Variants in MIGA1 observed in about 807,000 individuals in gnomAD.
MIGA1 encodes mitoguardin 1.
A neutral mutation model predicts 82.0 loss-of-function variants in MIGA1; 58 were observed. That is an observed-to-expected ratio of 0.71 (90% CI 0.57 to 0.88). The LOEUF (loss-of-function observed/expected upper bound fraction) is 0.88, where lower values mean the gene tolerates loss of function less well. MIGA1 is among the 40% of genes least tolerant of loss of function. The pLI is 0.00. For missense variants in MIGA1, 751 were observed against 749.1 expected (o/e 1.00, Z -0.03); for synonymous variants, 249 against 253.6 (o/e 0.98, Z 0.17).
At chr1:77,872,105 C>G (rs184366021) in intron 14 of MIGA1, among the ~76,000 whole-genome samples, 20 of 152,176 alleles carry the variant, frequency 1.3e-4, no homozygotes, top group Non-Finnish European at 2.2e-4. Flanking sequence ...GTAGCTAGGA[C>G]TATAGGTACA....
intron 4 of MIGA1, among the ~76,000 whole-genome samples, chr1:77,805,461 C>CTTTTTTTTTTTTTT (rs11408292): frequency 3.6e-5 from 4 of 110,400 alleles, no homozygotes; most frequent in East Asian, 2.7e-4. Flanking sequence ...TATGCCTATT[C>CTTTTTTTTTTTTTT]TTTTTTTTTT....
intron 1 of MIGA1, among the ~76,000 whole-genome samples, chr1:77,781,928 T>C (rs147583830): frequency 4.5e-4 from 68 of 151,976 alleles, no homozygotes; most frequent in Non-Finnish European, 8.1e-4. Flanking sequence ...TATTGGAGTA[T>C]AGAAAAAGAG....
At chr1:77,838,972 GTTTA>G (rs1684529443) in intron 7 of MIGA1, among the ~76,000 whole-genome samples, 3 of 152,180 alleles carry the variant, frequency 2.0e-5, no homozygotes, top group Admixed American at 2.0e-4. Flanking sequence ...ACTACGGTTT[GTTTA>G]TTCTATATTT....
intron 7 of MIGA1, among the ~76,000 whole-genome samples, chr1:77,829,500 G>A (rs373963787): frequency 5.9e-5 from 9 of 152,088 alleles, no homozygotes; most frequent in South Asian, 2.1e-4. Flanking sequence ...ACAGAGTCTC[G>A]TTCTGTCACC....
intron 7 of MIGA1, among the ~76,000 whole-genome samples, chr1:77,822,128 A>T (rs978207023): frequency 2.6e-5 from 4 of 150,994 alleles, no homozygotes; most frequent in South Asian, 4.2e-4. Flanking sequence ...CATTGCATAC[A>T]TATAAAAAAA....
chr1:77,875,451 C>G lies in MIGA1; in HGVS notation c.*387C>G, dbSNP rs1259291380. On this transcript the variant is annotated 3_prime_UTR_variant, in exon 16 of 16. Coordinates refer to ENST00000370791, the MANE Select transcript of MIGA1 (RefSeq NM_198549.4). Reference sequence around the variant, plus strand: ...CTTTAGCCAAGGTCTTTGTGGCCCACACATGCAAGAATATATTACTTCTAA... The same window carrying G: ...CTTTAGCCAAGGTCTTTGTGGCCCAGACATGCAAGAATATATTACTTCTAA... 5.8e-6 allele frequency: 1 copy of G among 173,002 alleles called. No homozygotes were observed. The highest frequency in any genetic ancestry group is 1.2e-5 in the Non-Finnish European group (1 of 80,972). The allele number at this position is 173,002 out of a possible 1,614,324, so 10.7% of individuals were successfully genotyped here.
rs552472100 is a variant in MIGA1 at position 77,799,051 on chromosome 1, G to A, written c.196-2280G>A. Among the ~76,000 whole-genome samples, 3 of 152,252 alleles carry A rather than the reference G, an allele frequency of 2.0e-5. No homozygotes were observed. The South Asian group carries it at 6.2e-4, about 32-fold the overall frequency. On this transcript the variant is annotated intron_variant, in intron 2 of 15. Transcript: ENST00000370791. Reference sequence around the variant, plus strand: ...TGAACCAGATTTGCATTCCTAGGATGTATACCACTTGGTTATTTATATATT... The same window carrying A: ...TGAACCAGATTTGCATTCCTAGGATATATACCACTTGGTTATTTATATATT...
At position 77,875,290 on chromosome 1, in the gene MIGA1, T is replaced by C. The variant is rs558638738; in HGVS notation, c.*226T>C. ...GCTTTTTGCATTCATTAGGTAATAA[T>C]TGAAGTCATGAAATGTATATTTTAC... On this transcript the variant is annotated 3_prime_UTR_variant, in exon 16 of 16. Coordinates refer to ENST00000370791, the MANE Select transcript of MIGA1 (RefSeq NM_198549.4). 1.3e-3 allele frequency: 569 copies of C among 447,284 alleles called. 2 individuals carry two copies. Among genetic ancestry groups the C allele is most frequent in the Admixed American group, 6.5e-3 (166 of 25,432 alleles). The allele number at this position is 447,284 out of a possible 1,614,324, so 27.7% of individuals were successfully genotyped here. A position where few individuals can be genotyped will look rare whatever the true frequency, so the allele number is the denominator to read the frequency against.
chr1:77,823,692 G>A (rs1489443835), intron 7 of MIGA1, among the ~76,000 whole-genome samples: 1 of 152,180 alleles, frequency 6.6e-6, no homozygotes, highest in Non-Finnish European at 1.5e-5. Context: ...AGCCTCCTGA[G>A]TAGCTAGGAC....
At chr1:77,852,989 C>A (rs543734360) in intron 8 of MIGA1, among the ~76,000 whole-genome samples, 97 of 152,278 alleles carry the variant, frequency 6.4e-4, no homozygotes, top group African/African-American at 2.3e-3. Flanking sequence ...CTGCACCCAG[C>A]AAAATGTGAA....
chr1:77,850,034 CA>C (rs377438344), intron 8 of MIGA1, among the ~76,000 whole-genome samples: 2,692 of 97,330 alleles, frequency 0.028, 20 homozygotes, highest in Middle Eastern at 0.045. Context: ...GACTCTCTCT[CA>C]AAAAAAAAAA....
At chr1:77,788,027 C>T (rs917423125) in intron 2 of MIGA1, among the ~76,000 whole-genome samples, 2 of 151,696 alleles carry the variant, frequency 1.3e-5, no homozygotes, top group Admixed American at 1.3e-4. Flanking sequence ...CGCTTCTTCA[C>T]CCAGGTTAGA....
rs1284907586 is a variant in MIGA1, at chr1:77,872,996, C to G, written c.1564-8C>G. ...GAAGTAACTTGATTCTCCTTTACTT[C>G]CCAGCAGATCCCAGATGGATTTTTT... On this transcript the variant is annotated splice_polypyrimidine_tract_variant and splice_region_variant and intron_variant, in intron 14 of 15. Coordinates refer to ENST00000370791, the MANE Select transcript of MIGA1 (RefSeq NM_198549.4). The G allele has an allele frequency of 1.2e-6, 2 of 1,613,802 alleles. No individual in the cohort carries two copies. Among genetic ancestry groups the G allele is most frequent in the South Asian group, 2.2e-5 (2 of 91,062 alleles).
In MIGA1 at chr1:77,801,332, T is replaced by A. The variant is rs753567252; in HGVS notation, c.197T>A (p.Ile66Asn). The A allele has an allele frequency of 3.2e-6, 5 of 1,547,820 alleles. No homozygotes were observed. In the Admixed American group the frequency reaches 9.6e-5, roughly 30 times the overall value. The change falls in exon 3 of 16, where the codon ATC becomes AAC. Residue 66 changes from isoleucine (I) to asparagine (N), a missense_variant and splice_region_variant. Coordinates refer to ENST00000370791, the MANE Select transcript of MIGA1 (RefSeq NM_198549.4). ...CAATTTTAACTGAATCTTTTCCAGA[T>A]CAAATTTTCTCCGGTGGCTAAAAAG... is the stretch of plus-strand genomic sequence containing the variant.
chr1:77,813,946 G>A (rs1245024389), intron 6 of MIGA1, 79 bp downstream of exon 6: 2 of 1,483,726 alleles, frequency 1.3e-6, no homozygotes, highest in East Asian at 2.3e-5. Flanking sequence ...TAGAGGTAGG[G>A]TCTCACTGTT....
rs143259719 is a variant in MIGA1, at chr1:77,816,589, G to A, written c.895+1358G>A. On this transcript the variant is annotated intron_variant, in intron 7 of 15. Coordinates refer to ENST00000370791, the MANE Select transcript of MIGA1 (RefSeq NM_198549.4). Reference sequence around the variant, plus strand: ...AAATCTCTTTGGTCTCTGCTTTGTCGTACTATTATTGTCACCAAACATTAT... The same window carrying A: ...AAATCTCTTTGGTCTCTGCTTTGTCATACTATTATTGTCACCAAACATTAT... 4.7e-4 allele frequency among the ~76,000 whole-genome samples: 71 copies of A among 152,116 alleles called. 1 individual carries two copies. Among genetic ancestry groups the A allele is most frequent in the Admixed American group, 1.2e-3 (19 of 15,278 alleles).
intron 14 of MIGA1, among the ~76,000 whole-genome samples, chr1:77,872,417 A>T (rs1245659379): frequency 6.6e-6 from 1 of 152,112 alleles, no homozygotes; most frequent in African/African-American, 2.4e-5. Context: ...CCTGAGCAAC[A>T]TAGTGAGACC....
intron 7 of MIGA1, among the ~76,000 whole-genome samples, chr1:77,821,789 A>G (rs187696391): frequency 3.9e-5 from 6 of 152,318 alleles, no homozygotes; most frequent in Admixed American, 3.3e-4. Context: ...ATAGTTGGTA[A>G]TGAGTGCTGT....
Position 77,813,667 on chromosome 1 carries a change from A to G in MIGA1, c.638-67A>G. Reference sequence around the variant, plus strand: ...CAGTGATAATGTATGAAAACATTTCAGGCCCCAATAATTTTATTTTGGCAT... The same window carrying G: ...CAGTGATAATGTATGAAAACATTTCGGGCCCCAATAATTTTATTTTGGCAT... On this transcript the variant is annotated intron_variant, in intron 5 of 15. Transcript: ENST00000370791. 5 of 1,545,056 alleles carry G rather than the reference A, an allele frequency of 3.2e-6. 1 individual carries two copies. The South Asian group carries it at 3.4e-5, about 11-fold the overall frequency.
Sources: gnomAD v4.1 joint callset for allele counts (sites outside exome capture counted in the v4.1 genomes callset) on GRCh38, gnomAD v4.1.1 for gene constraint, MANE v1.5 for transcripts, NCBI Gene and HGNC (gene_info 2026-07-23, HGNC 2026-07-21) for gene names.